ULK2: variants seen among roughly 807,000 people sequenced by gnomAD.
The protein encoded by ULK2 is unc-51 like autophagy activating kinase 2, also known as serine/threonine-protein kinase ULK2.
Under a neutral mutation model 127.5 loss-of-function variants are expected in ULK2, and 76 were observed. That is an observed-to-expected ratio of 0.60 (90% CI 0.50 to 0.72). ULK2 has a LOEUF of 0.72. Ranked by LOEUF, ULK2 falls within the 30% of genes least tolerant of loss-of-function variation. ULK2 has a pLI of 0.00. For missense variants in ULK2, 1,144 were observed against 1,295.9 expected, an observed-to-expected ratio of 0.88 and a Z score of 1.80; for synonymous variants, 452 against 461.9, an observed-to-expected ratio of 0.98 and a Z score of 0.28.
intron 21 of ULK2, among the ~76,000 whole-genome samples, chr17:19,784,468 T>G (rs893496385): frequency 6.7e-6 from 1 of 149,252 alleles, no homozygotes; most frequent in Admixed American, 6.8e-5. Context: ...CAGCCCTGAG[T>G]AAGCACATAG....
chr17:19,840,007 C>T, intron 9 of ULK2: 1 of 294,540 alleles, frequency 3.4e-6, no homozygotes. Context: ...AGCCTGTTTG[C>T]AGTAACCAAA....
At chr17:19,795,512 T>G in intron 20 of ULK2, 110 bp downstream of exon 20, 1 of 905,066 alleles carries the variant, frequency 1.1e-6, no homozygotes, top group Non-Finnish European at 1.8e-6. Context: ...AATAATACAT[T>G]TGTGTTGTTT....
intron 14 of ULK2, among the ~76,000 whole-genome samples, chr17:19,808,772 T>C (rs2087566035): frequency 6.6e-6 from 1 of 152,144 alleles, no homozygotes; most frequent in Non-Finnish European, 1.5e-5. Flanking sequence ...TTTTAGAAAA[T>C]AACAAATGCT....
chr17:19,809,732 C>CGA (rs750626905), intron 14 of ULK2, among the ~76,000 whole-genome samples: 20,963 of 90,462 alleles, frequency 0.23, 2,521 homozygotes, highest in South Asian at 0.44. Flanking sequence ...GACTCCGTCT[C>CGA]AAAAAAAAAA....
chr17:19,836,624 A>C (rs1292943115), intron 10 of ULK2, among the ~76,000 whole-genome samples: 1 of 151,616 alleles, frequency 6.6e-6, no homozygotes, highest in Non-Finnish European at 1.5e-5. Context: ...AAAACAAAAC[A>C]GGCTGGGCAT....
chr17:19,799,428 A>G, intron 17 of ULK2, 67 bp downstream of exon 17: 1 of 1,321,076 alleles, frequency 7.6e-7, no homozygotes. Context: ...ATAAAACTAG[A>G]AAAACACAAC....
intron 13 of ULK2, among the ~76,000 whole-genome samples, chr17:19,815,855 C>T (rs2040976374): frequency 6.6e-6 from 1 of 151,156 alleles, no homozygotes; most frequent in Non-Finnish European, 1.5e-5. Context: ...AAAATAATAA[C>T]AAAATTTAAA....
At chr17:19,799,607 AGGAAG>A (rs1304264909) in intron 16 of ULK2, 32 bp from the exon 17 acceptor site, 6 of 1,493,068 alleles carry the variant, frequency 4.0e-6, no homozygotes, top group African/African-American at 1.4e-5. Flanking sequence ...AGATGGGGAA[AGGAAG>A]AAAAATGATC....
At chr17:19,866,743 T>A (rs2042358851) in intron 1 of ULK2, among the ~76,000 whole-genome samples, 2 of 152,186 alleles carry the variant, frequency 1.3e-5, no homozygotes, top group Admixed American at 6.5e-5. Context: ...GGTGATTTCA[T>A]GTTCAAGGTG....
intron 10 of ULK2, among the ~76,000 whole-genome samples, chr17:19,833,526 T>A (rs1430450373): frequency 6.6e-6 from 1 of 151,902 alleles, no homozygotes; most frequent in Non-Finnish European, 1.5e-5. Context: ...CTGGCCCACA[T>A]GGTGAAACCC....
intron 15 of ULK2, among the ~76,000 whole-genome samples, chr17:19,803,405 C>T (rs901345607): frequency 3.9e-5 from 6 of 152,164 alleles, no homozygotes; most frequent in Non-Finnish European, 5.9e-5. Context: ...TTGGGTACCA[C>T]CACCCTGATT....
rs2087355398 is a variant in ULK2 at position 19,799,722 on chromosome 17, AT to A, written c.1442-148del. ...GTAACAAACGTTTAGTTCAACTAAC[AT>A]TTACTGGACAACCAATCCGCTGGGT... is the stretch of plus-strand genomic sequence containing the variant. On this transcript the variant is annotated intron_variant, in intron 16 of 26. Transcript: ENST00000395544. 6 of 685,190 alleles carry A rather than the reference AT, an allele frequency of 8.8e-6. No homozygotes were observed. The East Asian group carries it at 1.7e-4, about 20-fold the overall frequency. 42.4% of individuals were successfully genotyped at this position (685,190 alleles called of 1,614,324 possible).
At chr17:19,843,246 G>A (rs568769049) in intron 7 of ULK2, 24 bp from the exon 8 acceptor site, 27 of 1,468,834 alleles carry the variant, frequency 1.8e-5, no homozygotes, top group South Asian at 1.6e-4. Flanking sequence ...AATTTAAGGG[G>A]CATGCCGTAC....
intron 17 of ULK2, 76 bp downstream of exon 17, chr17:19,799,419 T>TA: frequency 3.2e-6 from 4 of 1,258,148 alleles, no homozygotes; most frequent in Non-Finnish European, 3.2e-6. Context: ...TGTTCTTTGA[T>TA]AAAACTAGAA....
At chr17:19,806,061 AAAAC>A (rs764644860) in intron 14 of ULK2, among the ~76,000 whole-genome samples, 24 of 152,250 alleles carry the variant, frequency 1.6e-4, no homozygotes, top group Middle Eastern at 3.4e-3. Context: ...CTACATCCTA[AAAAC>A]AAACAAACAA....
At chr17:19,795,838 G>T in intron 19 of ULK2, 113 bp from the exon 20 acceptor site, 1 of 1,055,014 alleles carries the variant, frequency 9.5e-7, no homozygotes, top group Non-Finnish European at 1.4e-6. Flanking sequence ...AACAATTCAG[G>T]GTAGAGATAA....
chr17:19,781,245 T>TC (rs1008633154), intron 23 of ULK2, 141 bp from the exon 24 acceptor site: 7 of 430,922 alleles, frequency 1.6e-5, no homozygotes, highest in Non-Finnish European at 7.6e-6. Flanking sequence ...TTCTTTTCTT[T>TC]TTTTTTTTTT....
chr17:19,801,750 A>C, intron 16 of ULK2, 27 bp downstream of exon 16: 1 of 1,607,388 alleles, frequency 6.2e-7, no homozygotes, highest in Non-Finnish European at 8.5e-7. Context: ...AAAAGGTTGA[A>C]AACAACTGTT....
chr17:19,855,267 G>A (rs1471826670), intron 3 of ULK2, among the ~76,000 whole-genome samples: 2 of 151,966 alleles, frequency 1.3e-5, no homozygotes, highest in Non-Finnish European at 2.9e-5. Flanking sequence ...AGCCAGGCAT[G>A]GTGGCGGGCG....
Sources: gnomAD v4.1 joint callset for allele counts (sites outside exome capture counted in the v4.1 genomes callset) on GRCh38, gnomAD v4.1.1 for gene constraint, MANE v1.5 for transcripts, NCBI Gene and HGNC (gene_info 2026-07-23, HGNC 2026-07-21) for gene names.